The following FASTKD5 variants were observed in gnomAD, a reference collection of about 807,000 sequenced individuals.
The protein encoded by FASTKD5 is non-canonical pre-mRNAs endonuclease FASTKD5, mitochondrial.
FASTKD5 carries 30 observed loss-of-function variants against 44.0 expected under a neutral mutation model. That is an observed-to-expected ratio of 0.68 (90% CI 0.51 to 0.93). The LOEUF (loss-of-function observed/expected upper bound fraction) is 0.93. Among genes scored for constraint, FASTKD5 ranks in the 40% least tolerant of loss-of-function variants. The probability of loss-of-function intolerance (pLI) is 0.00; values close to 1 mark genes in which losing one functional copy is unlikely to be tolerated. For missense variants in FASTKD5, 868 were observed against 908.2 expected (o/e 0.96, Z 0.57); for synonymous variants, 335 against 342.2 (o/e 0.98, Z 0.23).
In FASTKD5 at chr20:3,147,592, A is replaced by G; in HGVS notation, c.1479T>C (p.Ala493=). The part of the protein sequence containing the change: ...EYFPVELIDF[A]LSPGFVRLAQ... ...CTAACCTGACAAACCCTGGACTGAG[A>G]GCGAAATCAATTAACTCTACTGGAA... The change falls in exon 2 of 2, where the codon GCT becomes GCC. Residue 493 remains alanine (A), a synonymous_variant. Coordinates refer to ENST00000380266, the MANE Select transcript of FASTKD5 (RefSeq NM_021826.5). 1.2e-6 allele frequency: 2 copies of G among 1,614,210 alleles called. No individual in the cohort carries two copies. Among genetic ancestry groups the G allele is most frequent in the Non-Finnish European group, 1.7e-6 (2 of 1,180,036 alleles).
At chr20:3,151,285 A>G (rs2066621806) in intron 1 of FASTKD5, among the ~76,000 whole-genome samples, 1 of 152,190 alleles carries the variant, frequency 6.6e-6, no homozygotes, top group Non-Finnish European at 1.5e-5. Context: ...GCCCAAATCT[A>G]GCTCTTCACA....
intron 1 of FASTKD5, among the ~76,000 whole-genome samples, chr20:3,157,488 C>T (rs75286457): frequency 0.077 from 11,785 of 152,268 alleles, 543 homozygotes; most frequent in Middle Eastern, 0.13. Context: ...ACAGCCCTTC[C>T]GCTTCTCTTT....
chr20:3,148,027 A>C lies in FASTKD5; in HGVS notation c.1044T>G (p.Ile348Met), dbSNP rs906956103. ...RKIGDLACAN[I>M]QHLSSRSLVN... ...CTAAGGAGCGACTACTCAGATGCTG[A>C]ATGTTAGCACAAGCCAAGTCTCCAA... The change falls in exon 2 of 2, where the codon ATT becomes ATG. Residue 348 changes from isoleucine (I) to methionine (M), a missense_variant. Transcript: ENST00000380266. The C allele has an allele frequency of 1.2e-6, 2 of 1,614,212 alleles. No homozygotes were observed.
rs74422696 is a variant in FASTKD5, at chr20:3,151,246, G to A, written c.-190-1986C>T. Among the ~76,000 whole-genome samples, 606 of 152,302 alleles carry A rather than the reference G, an allele frequency of 4.0e-3. 1 individual carries two copies. The highest frequency in any genetic ancestry group is 0.014 in the African/African-American group (573 of 41,574). Reference sequence around the variant, plus strand: ...CCACCAAATTTCAATCTGTGGTTCAGATCAAGGGTGAGCAGACTATGTCCT... The same window carrying A: ...CCACCAAATTTCAATCTGTGGTTCAAATCAAGGGTGAGCAGACTATGTCCT... On this transcript the variant is annotated intron_variant, in intron 1 of 1. Coordinates refer to ENST00000380266, the MANE Select transcript of FASTKD5 (RefSeq NM_021826.5).
Position 3,146,900 on chromosome 20 carries a change from T to C in FASTKD5, c.2171A>G (p.Gln724Arg), listed in dbSNP as rs765169788. The change falls in exon 2 of 2, where the codon CAG becomes CGG. Residue 724 changes from glutamine to arginine, a missense_variant. Gln to Arg is a conservative substitution (Grantham distance 43). Transcript: ENST00000380266. ...CACACGGTAGCCAAGCCGAGCCAGC[T>C]GCCGCCTCTTCATATTGTGCAGTCC... ...LLGLHNMKRRQLARLGYRVVE... is the reference protein window; with the variant it reads ...LLGLHNMKRRRLARLGYRVVE... The C allele has an allele frequency of 1.2e-6, 2 of 1,614,102 alleles. No homozygotes were observed. The highest frequency in any genetic ancestry group is 4.5e-5 in the East Asian group (2 of 44,896).
In FASTKD5 at chr20:3,147,937, T is replaced by G. The variant is rs769097830; in HGVS notation, c.1134A>C (p.Gly378=). ...AAGGAATTCGCTGAGGAGCTATCTC[T>G]CCAATCTGCTTCATGAAATTGATGT... ...VDHINFMKQI[G]EIAPQRIPSL... is the part of the protein sequence containing the mutation. Residue 378 remains glycine, a synonymous_variant, in exon 2 of 2, where the codon GGA becomes GGC. Transcript: ENST00000380266. 6.2e-7 allele frequency: 1 copy of G among 1,614,210 alleles called. No individual in the cohort carries two copies. Among genetic ancestry groups the G allele is most frequent in the South Asian group, 1.1e-5 (1 of 91,084 alleles).
At chr20:3,157,980 C>T (rs35681402) in intron 1 of FASTKD5, among the ~76,000 whole-genome samples, 2 of 151,934 alleles carry the variant, frequency 1.3e-5, no homozygotes, top group African/African-American at 4.8e-5. Context: ...ACTGCATCCT[C>T]GACCACTGCC....
At chr20:3,157,493 C>A (rs1031006674) in intron 1 of FASTKD5, among the ~76,000 whole-genome samples, 2 of 152,244 alleles carry the variant, frequency 1.3e-5, no homozygotes, top group South Asian at 4.1e-4. Flanking sequence ...CCTTCCGCTT[C>A]TCTTTTAAGA....
chr20:3,159,836 G>A lies in FASTKD5; in HGVS notation c.-261C>T, dbSNP rs1354081429. 1 of 152,270 alleles carries A rather than the reference G, an allele frequency of 6.6e-6. No homozygotes were observed. Among genetic ancestry groups the A allele is most frequent in the African/African-American group, 2.4e-5 (1 of 41,462 alleles). The allele number at this position is 152,270 out of a possible 1,614,324, so 9.4% of individuals were successfully genotyped here. A position where few individuals can be genotyped will look rare whatever the true frequency, so the allele number is the denominator to read the frequency against. On this transcript the variant is annotated 5_prime_UTR_variant, in exon 1 of 2. Coordinates refer to ENST00000380266, the MANE Select transcript of FASTKD5 (RefSeq NM_021826.5). ...CGCGGGCGGCGGCGACACAGATACT[G>A]GCTCCTCCGGCGACTCCGAGCCTCA...
In FASTKD5 at chr20:3,147,100, C is replaced by T. The variant is rs545919225; in HGVS notation, c.1971G>A (p.Leu657=). ...CCAGAGGTACAGCTGCCTTATTCTC[C>T]AACTCCATGGGCTGCTGCCCAGGCT... ...ESEPGQQPME[L]ENKAAVPLGG... Residue 657 remains leucine, a synonymous_variant, in exon 2 of 2, where the codon TTG becomes TTA. Transcript: ENST00000380266. 1.9e-6 allele frequency: 3 copies of T among 1,614,082 alleles called. No homozygotes were observed. Among genetic ancestry groups the T allele is most frequent in the East Asian group, 4.5e-5 (2 of 44,890 alleles).
rs374630023 is a variant in FASTKD5 at position 3,147,438 on chromosome 20, G to C, written c.1633C>G (p.Leu545Val). Residue 545 changes from leucine (L) to valine (V), a missense_variant, in exon 2 of 2, where the codon CTG becomes GTG. Coordinates refer to ENST00000380266, the MANE Select transcript of FASTKD5 (RefSeq NM_021826.5). ...ATATCCTTCTCTGCTAAATACCACAGCAATTCAGACCCCTCTTGCTGAAGG... is the reference window on the plus strand; with the variant it reads ...ATATCCTTCTCTGCTAAATACCACACCAATTCAGACCCCTCTTGCTGAAGG... ...THLQQEGSELLWYLAEKDMNS... is the reference protein window; with the variant it reads ...THLQQEGSELVWYLAEKDMNS... The C allele has an allele frequency of 1.2e-6, 2 of 1,614,100 alleles. No individual in the cohort carries two copies. Among genetic ancestry groups the C allele is most frequent in the Non-Finnish European group, 1.7e-6 (2 of 1,180,028 alleles).
At position 3,148,388 on chromosome 20, in the gene FASTKD5, T is replaced by C. The variant is rs139561064; in HGVS notation, c.683A>G (p.Tyr228Cys). The change falls in exon 2 of 2, where the codon TAT becomes TGT. Residue 228 changes from tyrosine (Y) to cysteine (C), a missense_variant. By Grantham distance (194) the Tyr-to-Cys change is radical (BLOSUM62 -2). Transcript: ENST00000380266. ...TACCTGATGGCAACACTTGGTCTCA[T>C]ACACATCTAGCATTGAATGGGAGTG... ...IPHSHSMLDVYETKCCHQVWE... is the reference protein window; with the variant it reads ...IPHSHSMLDVCETKCCHQVWE... 2.6e-4 allele frequency: 413 copies of C among 1,614,062 alleles called. No individual in the cohort carries two copies. Among genetic ancestry groups the C allele is most frequent in the Non-Finnish European group, 3.1e-4 (367 of 1,180,032 alleles).
intron 1 of FASTKD5, among the ~76,000 whole-genome samples, chr20:3,158,664 C>T (rs973477830): frequency 7.2e-5 from 11 of 152,000 alleles, no homozygotes; most frequent in African/African-American, 1.4e-4. Context: ...TTAGTAGAGA[C>T]GGGGTTTCAC....
intron 1 of FASTKD5, among the ~76,000 whole-genome samples, chr20:3,158,966 C>G (rs531940852): frequency 6.6e-6 from 1 of 152,200 alleles, no homozygotes; most frequent in African/African-American, 2.4e-5. Context: ...ACAGTTGGTG[C>G]TAACGCAGCT....
intron 1 of FASTKD5, among the ~76,000 whole-genome samples, chr20:3,157,594 T>C (rs1313661641): frequency 6.6e-6 from 1 of 152,168 alleles, no homozygotes; most frequent in East Asian, 1.9e-4. Context: ...AGCTACTGCT[T>C]TTAAAGGGTT....
rs1330850045 is a variant in FASTKD5, at chr20:3,149,363, A to AT, written c.-190-104dup. 6 of 377,678 alleles carry AT rather than the reference A, an allele frequency of 1.6e-5. No homozygotes were observed. The highest frequency in any genetic ancestry group is 2.4e-5 in the Non-Finnish European group (5 of 209,796). The allele number at this position is 377,678 out of a possible 1,614,324, so 23.4% of individuals were successfully genotyped here. A position where few individuals can be genotyped will look rare whatever the true frequency, so the allele number is the denominator to read the frequency against. On this transcript the variant is annotated intron_variant, in intron 1 of 1. Transcript: ENST00000380266. The surrounding 1 kb of genome is among the most constrained non-coding windows in gnomAD (Gnocchi z 4.1). ...TGAAACTACACTGCTGTCTACTCAA[A>AT]TAAGTTCAATGCTAGTAAATGCCCA...
rs376544256 is a variant in FASTKD5 at position 3,147,580 on chromosome 20, C to A, written c.1491G>T (p.Gly497=). The change falls in exon 2 of 2, where the codon GGG becomes GGT. Residue 497 remains glycine (G), a synonymous_variant. Coordinates refer to ENST00000380266, the MANE Select transcript of FASTKD5 (RefSeq NM_021826.5). ...VELIDFALSP[G]FVRLAQERTK... is the part of the protein sequence containing the mutation. ...TTCTCTCCTGAGCTAACCTGACAAA[C>A]CCTGGACTGAGAGCGAAATCAATTA... 2 of 1,614,056 alleles carry A rather than the reference C, an allele frequency of 1.2e-6. No homozygotes were observed. Among genetic ancestry groups the A allele is most frequent in the African/African-American group, 1.3e-5 (1 of 74,918 alleles).
rs766244473 is a variant in FASTKD5, at chr20:3,149,405, A to G, written c.-190-145T>C. Reference sequence around the variant, plus strand: ...AAATGCCCAAACCACATGACAGCATATATCAAGGATAAATTCTGCGGTCTG... The same window carrying G: ...AAATGCCCAAACCACATGACAGCATGTATCAAGGATAAATTCTGCGGTCTG... On this transcript the variant is annotated intron_variant, in intron 1 of 1. Transcript: ENST00000380266. The surrounding 1 kb of genome is among the most constrained non-coding windows in gnomAD (Gnocchi z 4.1). 6.0e-5 allele frequency: 17 copies of G among 283,470 alleles called. No homozygotes were observed. The highest frequency in any genetic ancestry group is 1.1e-4 in the Non-Finnish European group (17 of 151,572). 17.6% of individuals were successfully genotyped at this position (283,470 alleles called of 1,614,324 possible). A position where few individuals can be genotyped will look rare whatever the true frequency, so the allele number is the denominator to read the frequency against.
Position 3,149,150 on chromosome 20 carries a change from T to TCA in FASTKD5, c.-81_-80insTG. 6.7e-7 allele frequency: 1 copy of TCA among 1,482,750 alleles called. No individual in the cohort carries two copies. The highest frequency in any genetic ancestry group is 9.1e-7 in the Non-Finnish European group (1 of 1,100,648). 91.8% of individuals were successfully genotyped at this position (1,482,750 alleles called of 1,614,324 possible). On this transcript the variant is annotated 5_prime_UTR_variant, in exon 2 of 2. It removes the in-frame stop codon of an upstream open reading frame in the 5' UTR. Coordinates refer to ENST00000380266, the MANE Select transcript of FASTKD5 (RefSeq NM_021826.5). This position sits in a 1 kb window ranked among gnomAD's most constrained non-coding sequence, Gnocchi z 4.1. ...ACCAGGCAATTTCTTGTTTATATGGTGCTTGATTAGAGCTGGACGGGGAGG... is the reference window on the plus strand; with the variant it reads ...ACCAGGCAATTTCTTGTTTATATGGTCAGCTTGATTAGAGCTGGACGGGGAGG...
Sources: allele counts gnomAD v4.1 joint callset (sites outside exome capture counted in the v4.1 genomes callset), GRCh38; gene constraint gnomAD v4.1.1; non-coding constraint Gnocchi (gnomAD v3.1); transcripts MANE v1.5; gene names NCBI Gene and HGNC (gene_info 2026-07-23, HGNC 2026-07-21).